RASGRP1: variants seen among roughly 807,000 people sequenced by gnomAD.
The protein encoded by RASGRP1 is RAS guanyl-releasing protein 1.
A neutral mutation model predicts 95.1 loss-of-function variants in RASGRP1; 37 were observed. That is an observed-to-expected ratio of 0.39 (90% CI 0.30 to 0.51). The LOEUF (loss-of-function observed/expected upper bound fraction) is 0.51. RASGRP1 is among the 20% of genes least tolerant of loss of function. RASGRP1 has a pLI of 0.80. For synonymous variants in RASGRP1, 325 were observed against 353.4 expected (o/e 0.92, Z 0.90); for missense variants, 711 against 965.4 (o/e 0.74, Z 3.49).
intron 11 of RASGRP1, chr15:38,502,830 GCT>G (rs1252762513): frequency 1.3e-5 from 3 of 226,398 alleles, no homozygotes; most frequent in African/African-American, 6.9e-5. Context: ...TCACCGTTAC[GCT>G]CTTAGTTTTC....
At position 38,519,315 on chromosome 15, in the gene RASGRP1, A is replaced by C; in HGVS notation, c.383T>G (p.Phe128Cys). ...ATACATAAAGAAACATTACCTTACAAAATAACAGATCTTCAGGCAAAGTCC... is the reference window on the plus strand; with the variant it reads ...ATACATAAAGAAACATTACCTTACACAATAACAGATCTTCAGGCAAAGTCC... The part of the protein sequence containing the change: ...SPGLCLKICY[F>C]VRYWITEFWV... Residue 128 changes from phenylalanine (F) to cysteine (C), a missense_variant, in exon 4 of 17, where the codon TTT becomes TGT. Physicochemically the swap from Phe to Cys is radical, Grantham distance 205 (BLOSUM62 -2). Around this residue, in one of 3 missense-constraint regions of RASGRP1, gnomAD observed 491 missense variants for 676.6 expected, o/e 0.73. Transcript: ENST00000310803. The C allele has an allele frequency of 6.6e-7, 1 of 1,525,796 alleles. No individual in the cohort carries two copies. The highest frequency in any genetic ancestry group is 9.1e-7 in the Non-Finnish European group (1 of 1,100,250). The allele number at this position is 1,525,796 out of a possible 1,614,324, so 94.5% of individuals were successfully genotyped here.
In RASGRP1 at chr15:38,554,582, A is replaced by G. The variant is rs1408890266; in HGVS notation, c.220+5239T>C. Among the ~76,000 whole-genome samples, 3 of 152,302 alleles carry G rather than the reference A, an allele frequency of 2.0e-5. No homozygotes were observed. In the East Asian group the frequency reaches 5.8e-4, roughly 29 times the overall value. On this transcript the variant is annotated intron_variant, in intron 2 of 16. Transcript: ENST00000310803. ...GGGATTTCCCATCTCCTCCTTTCTC[A>G]GGCCTGGCAGTCACTGAAACCCATG...
intron 3 of RASGRP1, among the ~76,000 whole-genome samples, chr15:38,525,271 C>T (rs1413257878): frequency 2.0e-5 from 3 of 152,004 alleles, no homozygotes; most frequent in African/African-American, 4.8e-5. Flanking sequence ...CCCAGACACC[C>T]CAGGAACAAT....
Position 38,494,692 on chromosome 15 carries a change from A to G in RASGRP1, c.1949T>C (p.Ile650Thr). The change falls in exon 16 of 17, where the codon ATC becomes ACC. Residue 650 changes from isoleucine (I) to threonine (T), a missense_variant. By Grantham distance (89) the Ile-to-Thr change is moderately conservative (BLOSUM62 -1). Coordinates refer to ENST00000310803, the MANE Select transcript of RASGRP1 (RefSeq NM_005739.4). ...EHGEESKDRT[I>T]MLMGVSSQKI... ...CTGTGAGGACACTCCCATCAGCATG[A>G]TGGTCCGATCCTTACTCTCCTCACC... 5 of 1,531,086 alleles carry G rather than the reference A, an allele frequency of 3.3e-6. No individual in the cohort carries two copies. The highest frequency in any genetic ancestry group is 4.4e-6 in the Non-Finnish European group (5 of 1,144,244). 94.8% of individuals were successfully genotyped at this position (1,531,086 alleles called of 1,614,324 possible).
At chr15:38,526,680 A>C (rs1892236804) in intron 2 of RASGRP1, among the ~76,000 whole-genome samples, 1 of 152,146 alleles carries the variant, frequency 6.6e-6, no homozygotes, top group South Asian at 2.1e-4. Flanking sequence ...CTTGAGTCTC[A>C]CTGAAAGCAG....
At position 38,546,328 on chromosome 15, in the gene RASGRP1, T is replaced by C. The variant is rs530993952; in HGVS notation, c.220+13493A>G. Among the ~76,000 whole-genome samples, 73 of 152,290 alleles carry C rather than the reference T, an allele frequency of 4.8e-4. 3 individuals carry two copies. The highest frequency in any genetic ancestry group is 4.4e-3 in the Admixed American group (67 of 15,298). On this transcript the variant is annotated intron_variant, in intron 2 of 16. Transcript: ENST00000310803. ...TGCCTCCTGGGTTCAAGTGATTCTC[T>C]TGCCTCAGCCTCCAGAGTATTCTGT...
intron 3 of RASGRP1, among the ~76,000 whole-genome samples, chr15:38,523,051 A>G (rs1489339286): frequency 1.3e-5 from 2 of 152,164 alleles, no homozygotes; most frequent in South Asian, 4.2e-4. Flanking sequence ...GATAAGAGTC[A>G]TTTCTGAAGT....
chr15:38,497,617 A>G (rs1351490957), intron 15 of RASGRP1, among the ~76,000 whole-genome samples: 4 of 152,106 alleles, frequency 2.6e-5, no homozygotes, highest in East Asian at 1.9e-4. Flanking sequence ...ACTGCAACCT[A>G]TTTGGCTCTT....
At chr15:38,506,039 T>C in intron 9 of RASGRP1, 119 bp from the exon 10 acceptor site, 1 of 762,566 alleles carries the variant, frequency 1.3e-6, no homozygotes, top group Non-Finnish European at 2.2e-6. Flanking sequence ...CTAAACAGTT[T>C]GTTTTTAAAA....
Position 38,502,398 on chromosome 15 carries a change from G to A in RASGRP1, c.1452C>T (p.His484=), listed in dbSNP as rs369601883. ...MVDSVFKNYD[H]DQDGYISQEE... ...CCTGAGAAATGTATCCATCCTGGTC[G>A]TGATCATAGTTCTTGAAGACAGACT... Residue 484 remains histidine, a synonymous_variant, in exon 12 of 17, where the codon CAC becomes CAT. Transcript: ENST00000310803. 1.7e-5 allele frequency: 27 copies of A among 1,600,800 alleles called. 1 individual carries two copies. In the Admixed American group the frequency reaches 2.8e-4, roughly 17 times the overall value.
chr15:38,537,867 G>C (rs1268706449), intron 2 of RASGRP1, among the ~76,000 whole-genome samples: 1 of 152,170 alleles, frequency 6.6e-6, no homozygotes, highest in Non-Finnish European at 1.5e-5. Context: ...GGAGGACCTG[G>C]AGAGCCACTC....
At chr15:38,563,434 T>C (rs554800431) in intron 1 of RASGRP1, among the ~76,000 whole-genome samples, 1 of 152,246 alleles carries the variant, frequency 6.6e-6, no homozygotes, top group East Asian at 1.9e-4. Context: ...AACTCTAAAC[T>C]GGTTTAGGTG....
chr15:38,556,538 G>T (rs970922630), intron 2 of RASGRP1, among the ~76,000 whole-genome samples: 8 of 152,326 alleles, frequency 5.3e-5, no homozygotes, highest in African/African-American at 1.9e-4. Flanking sequence ...ACAGTTTGTA[G>T]AAAATCTATT....
intron 1 of RASGRP1, among the ~76,000 whole-genome samples, chr15:38,562,820 C>A (rs1893866290): frequency 6.6e-6 from 1 of 152,164 alleles, no homozygotes; most frequent in African/African-American, 2.4e-5. Context: ...GCCCTGTTTT[C>A]TAATTCTGGT....
chr15:38,558,999 G>A (rs1893693842), intron 2 of RASGRP1, among the ~76,000 whole-genome samples: 1 of 152,138 alleles, frequency 6.6e-6, no homozygotes, highest in South Asian at 2.1e-4. Flanking sequence ...CACCGTGGGA[G>A]ATGGAGGGAT....
At chr15:38,544,603 C>CT (rs1461673882) in intron 2 of RASGRP1, among the ~76,000 whole-genome samples, 1 of 152,210 alleles carries the variant, frequency 6.6e-6, no homozygotes, top group African/African-American at 2.4e-5. Context: ...TGTGTGATGC[C>CT]TTCTGCCATG....
chr15:38,541,997 T>C (rs894390131), intron 2 of RASGRP1, among the ~76,000 whole-genome samples: 1 of 152,130 alleles, frequency 6.6e-6, no homozygotes, highest in African/African-American at 2.4e-5. Context: ...GGTGAGACTT[T>C]TCAAGACCTC....
chr15:38,535,466 C>A (rs1892608211), intron 2 of RASGRP1, among the ~76,000 whole-genome samples: 1 of 152,218 alleles, frequency 6.6e-6, no homozygotes, highest in Admixed American at 6.5e-5. Flanking sequence ...AAACCCACCA[C>A]TTTTCATGAC....
At chr15:38,545,484 T>G (rs1456230875) in intron 2 of RASGRP1, among the ~76,000 whole-genome samples, 1 of 151,808 alleles carries the variant, frequency 6.6e-6, no homozygotes, top group East Asian at 1.9e-4. Context: ...CACAGTCAAT[T>G]CATTCAAGCA....
Sources: gnomAD v4.1 joint callset for allele counts (sites outside exome capture counted in the v4.1 genomes callset) on GRCh38, gnomAD v4.1.1 for gene constraint, gnomAD v4.1.1 regional missense constraint, MANE v1.5 for transcripts, NCBI Gene and HGNC (gene_info 2026-07-23, HGNC 2026-07-21) for gene names.